Variants in TUT4 observed in about 807,000 individuals in gnomAD.
TUT4 encodes the protein terminal uridylyl transferase 4.
Under a neutral mutation model 192.2 loss-of-function variants are expected in TUT4, and 36 were observed. The observed-to-expected ratio is 0.19, with a 90% confidence interval of 0.14 to 0.25. TUT4 has a LOEUF of 0.25. TUT4 is among the 10% of genes least tolerant of loss of function. The pLI is 1.00. For synonymous variants in TUT4, 618 were observed against 666.0 expected (o/e 0.93, Z 1.11); for missense variants, 1,493 against 1,957.2 (o/e 0.76, Z 4.47).
At chr1:52,510,960 A>G (rs563818286) in intron 3 of TUT4, among the ~76,000 whole-genome samples, 7 of 152,356 alleles carry the variant, frequency 4.6e-5, no homozygotes, top group Admixed American at 2.0e-4. Flanking sequence ...CTAATGCCTT[A>G]CACTGAAACT....
chr1:52,430,904 T>C (rs1002214925), intron 28 of TUT4, 109 bp downstream of exon 28: 64 of 1,227,210 alleles, frequency 5.2e-5, no homozygotes, highest in Non-Finnish European at 6.4e-5. Context: ...AATCCTGTAC[T>C]GTCCCCTCCA....
At chr1:52,479,889 G>A (rs935706251) in intron 11 of TUT4, among the ~76,000 whole-genome samples, 1 of 151,944 alleles carries the variant, frequency 6.6e-6, no homozygotes, top group South Asian at 2.1e-4. Context: ...CAGCTACTTG[G>A]GAGGCTGAGG....
At chr1:52,544,242 C>T (rs1046796673) in intron 1 of TUT4, among the ~76,000 whole-genome samples, 5 of 149,960 alleles carry the variant, frequency 3.3e-5, no homozygotes, top group Admixed American at 6.7e-5. Context: ...GAGCTGAGAT[C>T]GTGCCAGTGC....
At chr1:52,484,705 A>G (rs1020338464) in intron 9 of TUT4, among the ~76,000 whole-genome samples, 5 of 152,220 alleles carry the variant, frequency 3.3e-5, no homozygotes, top group Non-Finnish European at 1.5e-5. Context: ...TGAGCATTCT[A>G]TTCTGTTCCA....
intron 4 of TUT4, among the ~76,000 whole-genome samples, chr1:52,505,652 C>T (rs916080259): frequency 2.6e-5 from 4 of 151,916 alleles, no homozygotes; most frequent in Non-Finnish European, 4.4e-5. Context: ...GAATTCCCAA[C>T]CTCAGGTGAT....
chr1:52,424,286 C>T, intron 29 of TUT4: 1 of 387,058 alleles, frequency 2.6e-6, no homozygotes, highest in Non-Finnish European at 4.8e-6. Context: ...GGGCTTATGA[C>T]TAATAGTAAC....
intron 20 of TUT4, among the ~76,000 whole-genome samples, chr1:52,448,309 C>T (rs114857647): frequency 0.013 from 2,044 of 152,218 alleles, 47 homozygotes; most frequent in African/African-American, 0.047. Context: ...AGACTGAGGC[C>T]GGGCGCAGTG....
rs552176784 is a variant in TUT4, at chr1:52,534,456, A to G, written c.-93-8083T>C. ...AATTCAGGAAAGCAAAAGGGGTGCT[A>G]TTTATTGGACCCCCGTAAACTCCAA... On this transcript the variant is annotated intron_variant, in intron 1 of 29. Transcript: ENST00000257177. Among the ~76,000 whole-genome samples the G allele has an allele frequency of 2.0e-5, 3 of 152,306 alleles. No individual in the cohort carries two copies. The South Asian group carries it at 6.2e-4, about 32-fold the overall frequency.
At position 52,496,996 on chromosome 1, in the gene TUT4, G is replaced by A. The variant is rs778501185; in HGVS notation, c.1177+10C>T. The A allele has an allele frequency of 1.2e-6, 2 of 1,609,668 alleles. No homozygotes were observed. The highest frequency in any genetic ancestry group is 1.1e-5 in the South Asian group (1 of 89,954). On this transcript the variant is annotated intron_variant, in intron 5 of 29. Transcript: ENST00000257177. ...TGATTTTCAAAATCAAATATGAAAT[G>A]TATTTCTACCTGGTAAAAATGTCGT...
At chr1:52,510,329 A>AG (rs1247777919) in intron 3 of TUT4, among the ~76,000 whole-genome samples, 1 of 126,306 alleles carries the variant, frequency 7.9e-6, no homozygotes, top group Non-Finnish European at 1.9e-5. Flanking sequence ...AAAAAAAAAA[A>AG]AAAAAAAAAA....
intron 11 of TUT4, among the ~76,000 whole-genome samples, chr1:52,479,320 T>TTTTAGAAGAACTTAAG: frequency 6.6e-6 from 1 of 152,162 alleles, no homozygotes; most frequent in Non-Finnish European, 1.5e-5. Flanking sequence ...CTGGCTTAAG[T>TTTTAGAAGAACTTAAG]TTTAGAAGAA....
chr1:52,431,221 G>T lies in TUT4; in HGVS notation c.4503C>A (p.Ile1501=), dbSNP rs945575191. 6.2e-7 allele frequency: 1 copy of T among 1,614,220 alleles called. No individual in the cohort carries two copies. Among genetic ancestry groups the T allele is most frequent in the Non-Finnish European group, 8.5e-7 (1 of 1,180,038 alleles). The part of the protein sequence containing the change: ...MGLLPMHPLQ[I]PAPSWPIHGP... ...CATGGATGGGCCAGGACGGGGCAGGGATCTGGAGAGGGTGCATTGGCAACA... is the reference window on the plus strand; with the variant it reads ...CATGGATGGGCCAGGACGGGGCAGGTATCTGGAGAGGGTGCATTGGCAACA... Residue 1501 remains isoleucine, a synonymous_variant, in exon 28 of 30, where the codon ATC becomes ATA. Coordinates refer to ENST00000257177, the MANE Select transcript of TUT4 (RefSeq NM_001009881.3).
intron 15 of TUT4, among the ~76,000 whole-genome samples, chr1:52,467,659 CTT>C: frequency 6.6e-6 from 1 of 152,136 alleles, no homozygotes; most frequent in African/African-American, 2.4e-5. Flanking sequence ...AATTCAAAGG[CTT>C]TCTACCAACA....
intron 5 of TUT4, among the ~76,000 whole-genome samples, chr1:52,496,126 T>A (rs921217943): frequency 6.6e-6 from 1 of 152,128 alleles, no homozygotes; most frequent in Non-Finnish European, 1.5e-5. Flanking sequence ...AGAGGCCAAT[T>A]TGAAAATAAT....
intron 4 of TUT4, among the ~76,000 whole-genome samples, chr1:52,503,777 CCTTT>C (rs1168109195): frequency 6.6e-6 from 1 of 152,106 alleles, no homozygotes; most frequent in African/African-American, 2.4e-5. Context: ...TTGAAACTTT[CCTTT>C]CTTTTAGCTT....
rs1681746091 is a variant in TUT4, at chr1:52,526,358, A to G, written c.-78T>C. On this transcript the variant is annotated 5_prime_UTR_variant, in exon 2 of 30. Transcript: ENST00000257177. The stretch of plus-strand genomic sequence containing the variant: ...CAGTAGTTTAAATTGCTTCAAGTCC[A>G]GTTTAGGCAAGCAAACTATTGGGTT... 10 of 1,244,588 alleles carry G rather than the reference A, an allele frequency of 8.0e-6. No homozygotes were observed. Among genetic ancestry groups the G allele is most frequent in the Non-Finnish European group, 9.3e-6 (9 of 966,672 alleles). The allele number at this position is 1,244,588 out of a possible 1,614,324, so 77.1% of individuals were successfully genotyped here.
intron 1 of TUT4, among the ~76,000 whole-genome samples, chr1:52,536,446 T>G (rs1396745227): frequency 6.6e-6 from 1 of 152,162 alleles, no homozygotes; most frequent in Non-Finnish European, 1.5e-5. Context: ...AAGGCAGCAT[T>G]AGAGGAACAA....
At chr1:52,501,813 C>T (rs867757611) in intron 4 of TUT4, among the ~76,000 whole-genome samples, 2 of 152,012 alleles carry the variant, frequency 1.3e-5, no homozygotes, top group African/African-American at 2.4e-5. Flanking sequence ...TGCTACAACG[C>T]GGTTGACCTG....
At chr1:52,523,516 G>A (rs930829652) in intron 2 of TUT4, among the ~76,000 whole-genome samples, 11 of 151,942 alleles carry the variant, frequency 7.2e-5, no homozygotes, top group African/African-American at 2.4e-4. Flanking sequence ...TTGCTTGAAC[G>A]TGGGAGGCAG....
Sources: allele counts gnomAD v4.1 joint callset (sites outside exome capture counted in the v4.1 genomes callset), GRCh38; gene constraint gnomAD v4.1.1; transcripts MANE v1.5; gene names NCBI Gene and HGNC (gene_info 2026-07-23, HGNC 2026-07-21).